Variants in TRIM2 observed in about 807,000 individuals in gnomAD.
The protein encoded by TRIM2 is tripartite motif containing 2, also known as tripartite motif-containing protein 2.
TRIM2 carries 20 observed loss-of-function variants against 75.2 expected under a neutral mutation model. The observed-to-expected ratio is 0.27, with a 90% CI of 0.19 to 0.39. The LOEUF is 0.39. Ranked by LOEUF, TRIM2 falls within the 10% of genes least tolerant of loss-of-function variation. The probability of loss-of-function intolerance (pLI) is 1.00; values close to 1 mark genes in which losing one functional copy is unlikely to be tolerated. For missense variants in TRIM2, 660 were observed against 990.8 expected, an observed-to-expected ratio of 0.67 and a Z score of 4.48; for synonymous variants, 373 against 388.3, an observed-to-expected ratio of 0.96 and a Z score of 0.46.
intron 1 of TRIM2, among the ~76,000 whole-genome samples, chr4:153,169,271 A>G (rs182517619): frequency 6.6e-6 from 1 of 152,320 alleles, no homozygotes; most frequent in Admixed American, 6.5e-5. Context: ...CTTGGGGCCA[A>G]TATTTCAGGC....
At chr4:153,318,318 G>GT (rs1427535389) in intron 8 of TRIM2, among the ~76,000 whole-genome samples, 1 of 152,208 alleles carries the variant, frequency 6.6e-6, no homozygotes, top group East Asian at 1.9e-4. Context: ...AATGAGTTAC[G>GT]TAATTGTGAA....
intron 1 of TRIM2, among the ~76,000 whole-genome samples, chr4:153,230,422 T>G (rs59398150): frequency 0.13 from 19,889 of 152,160 alleles, 1,806 homozygotes; most frequent in African/African-American, 0.25. Flanking sequence ...GCTCAAGCGA[T>G]CTGCCTGCCT....
intron 2 of TRIM2, among the ~76,000 whole-genome samples, chr4:153,274,634 A>G (rs1234226400): frequency 6.6e-6 from 1 of 152,228 alleles, no homozygotes; most frequent in African/African-American, 2.4e-5. Context: ...GAAAGAGAAG[A>G]GGTCTCATGA....
At chr4:153,227,537 G>T (rs1330461214) in intron 1 of TRIM2, among the ~76,000 whole-genome samples, 1 of 152,198 alleles carries the variant, frequency 6.6e-6, no homozygotes, top group Non-Finnish European at 1.5e-5. Context: ...CAACGATGGT[G>T]TGGAAGCTAT....
Position 153,338,444 on chromosome 4 carries a change from A to G in TRIM2, c.*3478A>G. On this transcript the variant is annotated 3_prime_UTR_variant, in exon 12 of 12. Coordinates refer to ENST00000338700, the MANE Select transcript of TRIM2 (RefSeq NM_015271.5). Reference sequence around the variant, plus strand: ...CTCCAGGTAGGAAAAAATGAAAGCTATTTCATGCAAACATTATCTAATTTA... The same window carrying G: ...CTCCAGGTAGGAAAAAATGAAAGCTGTTTCATGCAAACATTATCTAATTTA... 1.0e-6 allele frequency: 1 copy of G among 985,782 alleles called. No individual in the cohort carries two copies. Among genetic ancestry groups the G allele is most frequent in the Non-Finnish European group, 1.2e-6 (1 of 829,868 alleles). The allele number at this position is 985,782 out of a possible 1,614,324, so 61.1% of individuals were successfully genotyped here.
chr4:153,242,938 G>A (rs956502062), intron 1 of TRIM2, among the ~76,000 whole-genome samples: 3 of 152,244 alleles, frequency 2.0e-5, no homozygotes, highest in East Asian at 3.9e-4. Context: ...CTGAAGAGAT[G>A]GGCGGGGGTG....
intron 1 of TRIM2, among the ~76,000 whole-genome samples, chr4:153,268,783 C>A (rs1755926469): frequency 6.6e-6 from 1 of 152,164 alleles, no homozygotes; most frequent in Non-Finnish European, 1.5e-5. Flanking sequence ...GTGTTGCCCT[C>A]TTCTAATTCT....
intron 1 of TRIM2, among the ~76,000 whole-genome samples, chr4:153,192,968 TG>T (rs2149663266): frequency 6.6e-6 from 1 of 152,300 alleles, no homozygotes; most frequent in South Asian, 2.1e-4. Flanking sequence ...TTATTTTTCC[TG>T]GCAGCACTTA....
At chr4:153,176,535 T>C (rs1731452300) in intron 1 of TRIM2, among the ~76,000 whole-genome samples, 1 of 152,178 alleles carries the variant, frequency 6.6e-6, no homozygotes, top group East Asian at 1.9e-4. Context: ...CAGAGTTCTC[T>C]GTATTATTCT....
chr4:153,307,115 G>T (rs762598903), intron 6 of TRIM2, among the ~76,000 whole-genome samples: 2 of 152,174 alleles, frequency 1.3e-5, no homozygotes, highest in African/African-American at 2.4e-5. Context: ...TGAGTTTAGA[G>T]AAATAGCTTA....
At chr4:153,328,894 C>T (rs1348730035) in intron 11 of TRIM2, among the ~76,000 whole-genome samples, 2 of 152,020 alleles carry the variant, frequency 1.3e-5, no homozygotes, top group East Asian at 1.9e-4. Context: ...CACAGACCCC[C>T]ACAAAGGGTC....
intron 1 of TRIM2, among the ~76,000 whole-genome samples, chr4:153,234,757 G>T (rs757103648): frequency 6.6e-6 from 1 of 152,144 alleles, no homozygotes; most frequent in Non-Finnish European, 1.5e-5. Flanking sequence ...TTGTTTTCCT[G>T]CCTAGATCTA....
At chr4:153,205,131 C>T (rs918398303) in intron 1 of TRIM2, among the ~76,000 whole-genome samples, 6 of 152,226 alleles carry the variant, frequency 3.9e-5, no homozygotes, top group Middle Eastern at 3.4e-3. Flanking sequence ...GTCCCTCTGC[C>T]GTGCGACTGT....
At chr4:153,313,799 G>C (rs1455046584) in intron 6 of TRIM2, among the ~76,000 whole-genome samples, 1 of 151,050 alleles carries the variant, frequency 6.6e-6, no homozygotes, top group Admixed American at 6.6e-5. Context: ...GCCATGCCCA[G>C]TTAGTTTTTG....
At chr4:153,312,490 A>G (rs1766585092) in intron 6 of TRIM2, among the ~76,000 whole-genome samples, 1 of 152,112 alleles carries the variant, frequency 6.6e-6, no homozygotes, top group African/African-American at 2.4e-5. Flanking sequence ...AGAAATGCAA[A>G]TCAAAACCAC....
rs1004514246 is a variant in TRIM2 at position 153,319,622 on chromosome 4, C to T, written c.1783-3026C>T. 5.3e-5 allele frequency among the ~76,000 whole-genome samples: 8 copies of T among 151,920 alleles called. No individual in the cohort carries two copies. In the South Asian group the frequency reaches 6.3e-4, roughly 12 times the overall value. On this transcript the variant is annotated intron_variant, in intron 8 of 11. Transcript: ENST00000338700. Reference sequence around the variant, plus strand: ...ATGGGCGCCTGTAATCCCAGCTACTCGGGAGGCTGAGGCAGGAGGATCACT... The same window carrying T: ...ATGGGCGCCTGTAATCCCAGCTACTTGGGAGGCTGAGGCAGGAGGATCACT...
chr4:153,249,414 G>C (rs1366576716), intron 1 of TRIM2, among the ~76,000 whole-genome samples: 2 of 152,274 alleles, frequency 1.3e-5, no homozygotes, highest in African/African-American at 4.8e-5. Context: ...CCCCAGGTCG[G>C]TGGTTATGAC....
chr4:153,187,772 G>A lies in TRIM2; in HGVS notation c.-49+34502G>A, dbSNP rs545208714. 3.3e-5 allele frequency among the ~76,000 whole-genome samples: 5 copies of A among 152,244 alleles called. No homozygotes were observed. In the South Asian group the frequency reaches 1.0e-3, roughly 32 times the overall value. On this transcript the variant is annotated intron_variant, in intron 1 of 11. Transcript: ENST00000437508. ...ATCCGGCACTGAGGTTCAGTGACAGGCAGAAAAATGGCGGCCGCATCATAG... is the reference window on the plus strand; with the variant it reads ...ATCCGGCACTGAGGTTCAGTGACAGACAGAAAAATGGCGGCCGCATCATAG...
At chr4:153,296,136 T>C (rs1762716556) in intron 6 of TRIM2, 100 bp downstream of exon 6, 3 of 1,402,808 alleles carry the variant, frequency 2.1e-6, no homozygotes, top group Non-Finnish European at 2.8e-6. Context: ...CCCAGAACTC[T>C]ACCTGCAGGT....
Sources: allele counts gnomAD v4.1 joint callset (sites outside exome capture counted in the v4.1 genomes callset), GRCh38; gene constraint gnomAD v4.1.1; transcripts MANE v1.5; gene names NCBI Gene and HGNC (gene_info 2026-07-23, HGNC 2026-07-21).